Variants in RABGEF1 observed in about 807,000 individuals in gnomAD.
The protein encoded by RABGEF1 is RAB guanine nucleotide exchange factor 1.
Under a neutral mutation model 57.3 loss-of-function variants are expected in RABGEF1, and 26 were observed. The observed-to-expected ratio is 0.45, with a 90% confidence interval of 0.33 to 0.63. The LOEUF (loss-of-function observed/expected upper bound fraction) is 0.63, where lower values mean the gene tolerates loss of function less well. Among genes scored for constraint, RABGEF1 ranks in the 20% least tolerant of loss-of-function variants. The probability of loss-of-function intolerance (pLI) is 0.02; values close to 1 mark genes in which losing one functional copy is unlikely to be tolerated. For missense variants in RABGEF1, 464 were observed against 607.6 expected (o/e 0.76, Z 2.48); for synonymous variants, 185 against 210.7 (o/e 0.88, Z 1.06).
At chr7:66,807,352 G>A (rs1788669763) in intron 8 of RABGEF1, among the ~76,000 whole-genome samples, 1 of 152,180 alleles carries the variant, frequency 6.6e-6, no homozygotes, top group Admixed American at 6.5e-5. Context: ...GCTTCTCATA[G>A]CACTCTCCAA....
intron 1 of RABGEF1, among the ~76,000 whole-genome samples, chr7:66,688,169 G>T (rs574699305): frequency 5.9e-5 from 9 of 151,764 alleles, no homozygotes; most frequent in Non-Finnish European, 1.2e-4. Context: ...GCCAACAATG[G>T]TTATGAGAGA....
chr7:66,679,526 C>T (rs1389413261), upstream of RABGEF1, among the ~76,000 whole-genome samples: 1 of 152,108 alleles, frequency 6.6e-6, no homozygotes, highest in African/African-American at 2.4e-5. Flanking sequence ...GTGGGGTTGC[C>T]CAGGCTGGTC....
At chr7:66,766,189 A>G (rs536879259) in intron 1 of RABGEF1, among the ~76,000 whole-genome samples, 7 of 151,788 alleles carry the variant, frequency 4.6e-5, no homozygotes, top group Non-Finnish European at 7.4e-5. Context: ...AATAACAACA[A>G]TTAGCCAGGC....
intron 1 of RABGEF1, among the ~76,000 whole-genome samples, chr7:66,702,347 TTGTGTGTGTGTGTGTGTGTG>T (rs58655312): frequency 6.3e-5 from 9 of 143,886 alleles, no homozygotes; most frequent in African/African-American, 2.1e-4. Context: ...ATTGTTTTGT[TTGTGTGTGTGTGTGTGTGTG>T]TGTGTGTGTG....
chr7:66,774,016 A>T (rs553338011), intron 2 of RABGEF1: 1 of 304,812 alleles, frequency 3.3e-6, no homozygotes, highest in Admixed American at 4.7e-5. Context: ...TCCAAAGCCA[A>T]ATTTATTGCT....
intron 7 of RABGEF1, among the ~76,000 whole-genome samples, chr7:66,800,016 A>G (rs1367354623): frequency 6.6e-6 from 1 of 152,218 alleles, no homozygotes. Context: ...AGTGCAACAC[A>G]AACGTTTAAA....
chr7:66,708,940 T>C (rs79623536), intron 1 of RABGEF1, among the ~76,000 whole-genome samples: 2,282 of 152,210 alleles, frequency 0.015, 61 homozygotes, highest in East Asian at 0.093. Flanking sequence ...CAATATGCCT[T>C]CTTTCAGTCT....
chr7:66,685,059 C>T (rs73135907), intron 1 of RABGEF1, among the ~76,000 whole-genome samples: 15,779 of 152,040 alleles, frequency 0.1, 897 homozygotes, highest in Non-Finnish European at 0.11. Context: ...GCCACTGCAC[C>T]CGGCCTTAAA....
Position 66,708,311 on chromosome 7 carries a change from G to T in RABGEF1, c.-872-3856G>T, listed in dbSNP as rs139037345. On this transcript the variant is annotated intron_variant and NMD_transcript_variant, in intron 1 of 9. Transcript: ENST00000607882. ...TTCCTAATTTTTTCTTTTGAGACAG[G>T]GTCTCACTCCAATTTGCCCAAGCTG... is the stretch of plus-strand genomic sequence containing the variant. Among the ~76,000 whole-genome samples, 1,032 of 151,176 alleles carry T rather than the reference G, an allele frequency of 6.8e-3. 13 individuals carry two copies. The highest frequency in any genetic ancestry group is 0.023 in the African/African-American group (966 of 41,244).
rs57856916 is a variant in RABGEF1 at position 66,705,443 on chromosome 7, AAGAGAG to A, written c.-872-6685_-872-6680del. ...CAGAGCGAAACTCCATCTCGAAAGA[AAGAGAG>A]AGAGAGAGAGAGAGAGAGAGAGAGA... On this transcript the variant is annotated intron_variant and NMD_transcript_variant, in intron 1 of 9. Coordinates refer to the RABGEF1 transcript ENST00000607882. Among the ~76,000 whole-genome samples, 234 of 66,362 alleles carry A rather than the reference AAGAGAG, an allele frequency of 3.5e-3. 2 individuals carry two copies. The highest frequency in any genetic ancestry group is 0.011 in the Middle Eastern group (1 of 92). 43.5% of individuals were successfully genotyped at this position (66,362 alleles called of 152,430 possible). A position where few individuals can be genotyped will look rare whatever the true frequency, so the allele number is the denominator to read the frequency against.
intron 2 of RABGEF1, among the ~76,000 whole-genome samples, chr7:66,725,958 T>G (rs1796538413): frequency 6.6e-6 from 1 of 151,664 alleles, no homozygotes. Context: ...GTGATCCCAC[T>G]TAGAAAACCC....
intron 1 of RABGEF1, among the ~76,000 whole-genome samples, chr7:66,768,542 T>G (rs1476435104): frequency 6.6e-6 from 1 of 152,236 alleles, no homozygotes; most frequent in East Asian, 1.9e-4. Flanking sequence ...ATGTTTTGTT[T>G]TGTTGCCAGA....
chr7:66,655,518 C>T, the RABGEF1 span, among the ~76,000 whole-genome samples: 2 of 152,146 alleles, frequency 1.3e-5, no homozygotes, highest in East Asian at 3.9e-4. Flanking sequence ...CCCCCCTAAA[C>T]CTAGAACTGC....
chr7:66,663,390 T>C, the RABGEF1 span, among the ~76,000 whole-genome samples: 6 of 152,188 alleles, frequency 3.9e-5, no homozygotes, highest in Non-Finnish European at 7.4e-5. Flanking sequence ...TCCCCAACCA[T>C]GCTGGTCTCA....
chr7:66,781,718 T>G (rs1303749997), intron 3 of RABGEF1, among the ~76,000 whole-genome samples: 1 of 152,232 alleles, frequency 6.6e-6, no homozygotes, highest in Non-Finnish European at 1.5e-5. Flanking sequence ...GCTTTTTCTA[T>G]GTAGCCCTCT....
chr7:66,765,333 G>T, intron 1 of RABGEF1, among the ~76,000 whole-genome samples: 1 of 152,074 alleles, frequency 6.6e-6, no homozygotes, highest in Non-Finnish European at 1.5e-5. Flanking sequence ...CAGAGCTATT[G>T]TTATTGTTTC....
chr7:66,796,969 A>T (rs1444327355), intron 5 of RABGEF1: 14 of 418,926 alleles, frequency 3.3e-5, no homozygotes, highest in Non-Finnish European at 6.5e-5. Flanking sequence ...ATTTATTTCT[A>T]GTAAATTAGT....
At chr7:66,750,670 G>A (rs968718817) in intron 1 of RABGEF1, among the ~76,000 whole-genome samples, 3 of 152,180 alleles carry the variant, frequency 2.0e-5, no homozygotes, top group Non-Finnish European at 2.9e-5. Context: ...TGAGAAATAA[G>A]TTGAGATTAT....
chr7:66,766,143 C>G (rs1805640181), intron 1 of RABGEF1, among the ~76,000 whole-genome samples: 1 of 151,920 alleles, frequency 6.6e-6, no homozygotes, highest in African/African-American at 2.4e-5. Flanking sequence ...TTCAAGACCA[C>G]CTGGGTAACG....
Sources: allele counts gnomAD v4.1 joint callset (sites outside exome capture counted in the v4.1 genomes callset), GRCh38; gene constraint gnomAD v4.1.1; transcripts MANE v1.5; gene names NCBI Gene and HGNC (gene_info 2026-07-23, HGNC 2026-07-21).